The following PRKN variants were observed in gnomAD, a reference collection of about 807,000 sequenced individuals.
PRKN encodes the protein E3 ubiquitin-protein ligase parkin.
Under a neutral mutation model 59.5 loss-of-function variants are expected in PRKN, and 56 were observed. The ratio of observed to expected loss-of-function variants is 0.94; its 90% confidence interval spans 0.76 to 1.18. PRKN has a LOEUF of 1.18. PRKN is among the 50% of genes most tolerant of loss of function. PRKN has a pLI of 0.00. For missense variants in PRKN, 657 were observed against 596.4 expected, an observed-to-expected ratio of 1.10 and a Z score of -1.06; for synonymous variants, 250 against 222.1, an observed-to-expected ratio of 1.13 and a Z score of -1.12.
intron 7 of PRKN, among the ~76,000 whole-genome samples, chr6:161,649,172 A>G (rs1784064428): frequency 6.6e-6 from 1 of 152,226 alleles, no homozygotes; most frequent in African/African-American, 2.4e-5. Context: ...TCAAAATTGG[A>G]GGAACATAAA....
At chr6:162,161,282 C>G (rs1782745906) in intron 4 of PRKN, among the ~76,000 whole-genome samples, 1 of 152,092 alleles carries the variant, frequency 6.6e-6, no homozygotes, top group Admixed American at 6.5e-5. Context: ...GACACTGGAG[C>G]AGGAGATGTG....
At chr6:162,662,783 T>C (rs767157955) in intron 1 of PRKN, among the ~76,000 whole-genome samples, 1 of 152,198 alleles carries the variant, frequency 6.6e-6, no homozygotes, top group Non-Finnish European at 1.5e-5. Flanking sequence ...TTAATCTATG[T>C]GTGTATTTTT....
At chr6:161,477,706 C>G (rs1180472427) in intron 9 of PRKN, among the ~76,000 whole-genome samples, 2 of 152,082 alleles carry the variant, frequency 1.3e-5, no homozygotes, top group African/African-American at 4.8e-5. Flanking sequence ...TTCTGTATCA[C>G]AAATGGGAAA....
At chr6:162,014,618 C>T (rs1016553697) in intron 5 of PRKN, among the ~76,000 whole-genome samples, 7 of 152,140 alleles carry the variant, frequency 4.6e-5, no homozygotes, top group Non-Finnish European at 7.3e-5. Context: ...CGAGCTGGTG[C>T]TTCCTCCCTA....
chr6:161,658,589 CACAT>C (rs1358318546), intron 7 of PRKN, among the ~76,000 whole-genome samples: 4 of 152,164 alleles, frequency 2.6e-5, no homozygotes, highest in African/African-American at 9.7e-5. Flanking sequence ...TTTTACAAAT[CACAT>C]GCTGTCTTTA....
intron 1 of PRKN, among the ~76,000 whole-genome samples, chr6:162,541,191 C>T (rs1192503205): frequency 6.6e-6 from 1 of 152,144 alleles, no homozygotes; most frequent in Non-Finnish European, 1.5e-5. Flanking sequence ...AAACCCTTGC[C>T]CTCATGTGGG....
intron 1 of PRKN, among the ~76,000 whole-genome samples, chr6:162,669,221 G>A (rs559401801): frequency 6.6e-6 from 1 of 150,476 alleles, no homozygotes; most frequent in South Asian, 2.1e-4. Flanking sequence ...AAAGCATGAG[G>A]ACATCTTTTT....
rs958311460 is a variant in PRKN, at chr6:161,973,166, C to G, written c.734+136G>C. 4.3e-5 allele frequency: 30 copies of G among 698,624 alleles called. No individual in the cohort carries two copies. The African/African-American group carries it at 4.6e-4, about 11-fold the overall frequency. 43.3% of individuals were successfully genotyped at this position (698,624 alleles called of 1,614,324 possible). ...ACGCATCAAAATAAAGCAGACACTC[C>G]CCAGGAAAGAGAGTTCACTGAGGAA... On this transcript the variant is annotated intron_variant, in intron 6 of 11. Transcript: ENST00000366898.
chr6:162,170,034 CACCA>C (rs1783197859), intron 4 of PRKN, among the ~76,000 whole-genome samples: 3 of 152,154 alleles, frequency 2.0e-5, no homozygotes, highest in Non-Finnish European at 4.4e-5. Context: ...AAGTGAAATT[CACCA>C]CTATACATTT....
chr6:162,332,908 A>G (rs1783651247), intron 2 of PRKN, among the ~76,000 whole-genome samples: 1 of 152,072 alleles, frequency 6.6e-6, no homozygotes, highest in Admixed American at 6.6e-5. Flanking sequence ...CCTTCCAACT[A>G]TTATTTCTAT....
Position 161,686,130 on chromosome 6 carries a change from A to G in PRKN, c.871+99642T>C, listed in dbSNP as rs192518873. Among the ~76,000 whole-genome samples the G allele has an allele frequency of 1.1e-3, 174 of 152,256 alleles. 1 individual carries two copies. Among genetic ancestry groups the G allele is most frequent in the Admixed American group, 2.6e-3 (40 of 15,302 alleles). On this transcript the variant is annotated intron_variant, in intron 7 of 11. Transcript: ENST00000366898. Reference sequence around the variant, plus strand: ...TTGTTGACTGGTCATGATTTTGTAGAAAATAGTAAATTTGAGAGCATAAGA... The same window carrying G: ...TTGTTGACTGGTCATGATTTTGTAGGAAATAGTAAATTTGAGAGCATAAGA...
chr6:162,702,387 T>G (rs1030555717), intron 1 of PRKN, among the ~76,000 whole-genome samples: 3 of 152,134 alleles, frequency 2.0e-5, no homozygotes, highest in Non-Finnish European at 4.4e-5. Context: ...AAGTTTAAAC[T>G]CTAATTAACA....
At chr6:162,347,779 T>C (rs1391449782) in intron 2 of PRKN, among the ~76,000 whole-genome samples, 1 of 152,208 alleles carries the variant, frequency 6.6e-6, no homozygotes, top group East Asian at 1.9e-4. Flanking sequence ...AGCTTCAAGC[T>C]CATTCATATT....
chr6:161,876,197 C>T (rs917164947), intron 6 of PRKN, among the ~76,000 whole-genome samples: 1 of 152,152 alleles, frequency 6.6e-6, no homozygotes, highest in Admixed American at 6.5e-5. Context: ...TTGATTATTA[C>T]ACTGCTTCTT....
At chr6:162,053,017 C>G (rs556183100) in intron 5 of PRKN, among the ~76,000 whole-genome samples, 1 of 152,254 alleles carries the variant, frequency 6.6e-6, no homozygotes, top group East Asian at 1.9e-4. Flanking sequence ...AATACGCACT[C>G]TAATTTCATC....
chr6:161,368,343 G>A (rs922113996), intron 10 of PRKN, among the ~76,000 whole-genome samples: 13 of 74,892 alleles, frequency 1.7e-4, no homozygotes, highest in African/African-American at 4.0e-4. Context: ...ATATATATTT[G>A]TATATATATT....
At chr6:162,105,981 A>G (rs1354457891) in intron 4 of PRKN, among the ~76,000 whole-genome samples, 2 of 152,220 alleles carry the variant, frequency 1.3e-5, no homozygotes, top group African/African-American at 4.8e-5. Context: ...ACATAATACA[A>G]TCTTATAAAC....
chr6:162,685,105 ATTACT>A (rs1235617314), intron 1 of PRKN, among the ~76,000 whole-genome samples: 7 of 152,302 alleles, frequency 4.6e-5, no homozygotes, highest in Admixed American at 2.0e-4. Context: ...CCTTGGGCAA[ATTACT>A]TTACACCTCT....
In PRKN at chr6:161,372,491, G is replaced by T. The variant is rs1028207412; in HGVS notation, c.1168-12286C>A. ...TATTTTCATTCAAGAAACATGTGTTGGGTGTCTAAGATGTGCCAGGCACTG... is the reference window on the plus strand; with the variant it reads ...TATTTTCATTCAAGAAACATGTGTTTGGTGTCTAAGATGTGCCAGGCACTG... On this transcript the variant is annotated intron_variant, in intron 10 of 11. Coordinates refer to ENST00000366898, the MANE Select transcript of PRKN (RefSeq NM_004562.3). The surrounding 1 kb of genome is among the most constrained non-coding windows in gnomAD (Gnocchi z 4.2). Among the ~76,000 whole-genome samples the T allele has an allele frequency of 3.3e-5, 5 of 152,202 alleles. No individual in the cohort carries two copies. Among genetic ancestry groups the T allele is most frequent in the African/African-American group, 1.2e-4 (5 of 41,442 alleles).
Sources: allele counts gnomAD v4.1 joint callset (sites outside exome capture counted in the v4.1 genomes callset), GRCh38; gene constraint gnomAD v4.1.1; non-coding constraint Gnocchi (gnomAD v3.1); transcripts MANE v1.5; gene names NCBI Gene and HGNC (gene_info 2026-07-23, HGNC 2026-07-21).